The following SNX13 variants were observed in gnomAD, a reference collection of about 807,000 sequenced individuals.
SNX13 encodes the protein sorting nexin-13.
SNX13 carries 45 observed loss-of-function variants against 133.6 expected under a neutral mutation model. That is an observed-to-expected ratio of 0.34 (90% confidence interval 0.27 to 0.43). The LOEUF (loss-of-function observed/expected upper bound fraction) is 0.43, where lower values mean the gene tolerates loss of function less well. Among genes scored for constraint, SNX13 ranks in the 20% least tolerant of loss-of-function variants. SNX13 has a pLI of 1.00. For missense variants in SNX13, 1,032 were observed against 1,145.1 expected (o/e 0.90, Z 1.43); for synonymous variants, 414 against 373.9 (o/e 1.11, Z -1.24).
intron 13 of SNX13, 67 bp downstream of exon 13, chr7:17,839,740 C>T: frequency 1.5e-6 from 2 of 1,319,726 alleles, no homozygotes; most frequent in East Asian, 5.0e-5. Context: ...CTGGCATAAG[C>T]AATGGATTAC....
chr7:17,868,847 G>T (rs772115362), intron 8 of SNX13, among the ~76,000 whole-genome samples: 1 of 151,944 alleles, frequency 6.6e-6, no homozygotes, highest in Admixed American at 6.6e-5. Flanking sequence ...AAACAGAAAA[G>T]AAAAGGGAAG....
Position 17,850,935 on chromosome 7 carries a change from G to A in SNX13, c.867C>T (p.Ala289=). 6.2e-7 allele frequency: 1 copy of A among 1,607,780 alleles called. No homozygotes were observed. The highest frequency in any genetic ancestry group is 8.5e-7 in the Non-Finnish European group (1 of 1,178,256). The part of the protein sequence containing the change: ...MIRDSNCNYE[A]FMNIIKLSDN... The stretch of plus-strand genomic sequence containing the variant: ...CACTCAATTTAATAATGTTCATAAA[G>A]GCCTCATAGTTGCAGTTAGAATCAC... Residue 289 remains alanine (A), a synonymous_variant, in exon 10 of 26, where the codon GCC becomes GCT. Transcript: ENST00000428135.
chr7:17,909,428 T>C (rs1320976440), intron 1 of SNX13, among the ~76,000 whole-genome samples: 1 of 152,136 alleles, frequency 6.6e-6, no homozygotes, highest in Non-Finnish European at 1.5e-5. Flanking sequence ...CTATTCACAG[T>C]AGCAAAAATA....
intron 1 of SNX13, among the ~76,000 whole-genome samples, chr7:17,911,514 C>G (rs911261176): frequency 6.6e-6 from 1 of 151,980 alleles, no homozygotes; most frequent in Non-Finnish European, 1.5e-5. Flanking sequence ...TGGTGTATGT[C>G]TGTAGTCCCA....
chr7:17,858,108 A>C (rs1240344172), intron 9 of SNX13, among the ~76,000 whole-genome samples: 1 of 152,170 alleles, frequency 6.6e-6, no homozygotes, highest in Non-Finnish European at 1.5e-5. Flanking sequence ...CTTTTCCTTT[A>C]AGAACCAGGA....
chr7:17,897,043 C>G (rs1797285325), intron 2 of SNX13, among the ~76,000 whole-genome samples: 1 of 152,106 alleles, frequency 6.6e-6, no homozygotes, highest in East Asian at 1.9e-4. Flanking sequence ...AGGAGAAACA[C>G]CACCAAAAGG....
chr7:17,875,826 A>C, intron 5 of SNX13, 36 bp from the exon 6 acceptor site: 2 of 1,480,782 alleles, frequency 1.4e-6, no homozygotes, highest in South Asian at 2.6e-5. Context: ...GGATTATATA[A>C]ATGCTTTATC....
intron 1 of SNX13, among the ~76,000 whole-genome samples, chr7:17,905,827 A>G (rs1798339924): frequency 6.6e-6 from 1 of 152,160 alleles, no homozygotes; most frequent in Non-Finnish European, 1.5e-5. Context: ...GTTTAAAAAG[A>G]TGGAGTCTCT....
intron 1 of SNX13, among the ~76,000 whole-genome samples, chr7:17,929,526 T>TA (rs962758320): frequency 8.6e-5 from 13 of 151,370 alleles, no homozygotes; most frequent in East Asian, 3.9e-4. Context: ...TACATATTTT[T>TA]AAAAAAAAAG....
chr7:17,802,615 T>C (rs918087494), intron 21 of SNX13, among the ~76,000 whole-genome samples: 9 of 151,966 alleles, frequency 5.9e-5, no homozygotes, highest in African/African-American at 2.2e-4. Flanking sequence ...TCCTCACAAA[T>C]AGAAATAAAA....
At chr7:17,927,665 C>T (rs1051755442) in intron 1 of SNX13, among the ~76,000 whole-genome samples, 2 of 152,148 alleles carry the variant, frequency 1.3e-5, no homozygotes, top group Non-Finnish European at 2.9e-5. Flanking sequence ...ATTATTTTGA[C>T]ATAATACAAC....
intron 7 of SNX13, 42 bp downstream of exon 7, chr7:17,875,438 T>C (rs752692144): frequency 6.5e-7 from 1 of 1,546,232 alleles, no homozygotes; most frequent in Middle Eastern, 1.7e-4. Context: ...AACTTGACTC[T>C]AGCCAGCTAC....
chr7:17,934,614 A>T (rs1172689697), intron 1 of SNX13, among the ~76,000 whole-genome samples: 1 of 152,198 alleles, frequency 6.6e-6, no homozygotes, highest in African/African-American at 2.4e-5. Context: ...TCCACTCCAC[A>T]ACTTGGGAGA....
chr7:17,904,064 C>G (rs1359931931), intron 1 of SNX13, among the ~76,000 whole-genome samples: 1 of 152,124 alleles, frequency 6.6e-6, no homozygotes, highest in African/African-American at 2.4e-5. Flanking sequence ...TGCAAAAAAT[C>G]ACATATGCAT....
intron 20 of SNX13, among the ~76,000 whole-genome samples, chr7:17,806,624 T>A (rs766669479): frequency 2.0e-5 from 3 of 151,710 alleles, no homozygotes; most frequent in African/African-American, 4.8e-5. Flanking sequence ...GAAAGATAGG[T>A]AGACGCCATT....
intron 1 of SNX13, among the ~76,000 whole-genome samples, chr7:17,925,175 C>G (rs971221659): frequency 6.6e-6 from 1 of 152,150 alleles, no homozygotes; most frequent in Non-Finnish European, 1.5e-5. Flanking sequence ...TATCATGCCA[C>G]TGCACTACAG....
intron 1 of SNX13, among the ~76,000 whole-genome samples, chr7:17,908,506 G>A (rs1361414216): frequency 6.6e-6 from 1 of 152,078 alleles, no homozygotes; most frequent in African/African-American, 2.4e-5. Flanking sequence ...CTCCCATGAA[G>A]CAAACCTTCC....
intron 1 of SNX13, among the ~76,000 whole-genome samples, chr7:17,939,094 T>C (rs1007994294): frequency 6.6e-6 from 1 of 152,172 alleles, no homozygotes; most frequent in African/African-American, 2.4e-5. Flanking sequence ...TTAGATTAAG[T>C]ACAAACAGCA....
At chr7:17,818,393 C>G (rs1302389426) in intron 18 of SNX13, among the ~76,000 whole-genome samples, 1 of 152,010 alleles carries the variant, frequency 6.6e-6, no homozygotes, top group Non-Finnish European at 1.5e-5. Context: ...TTTCTTAAAG[C>G]CTGAATTACC....
Sources: gnomAD v4.1 joint callset for allele counts (sites outside exome capture counted in the v4.1 genomes callset) on GRCh38, gnomAD v4.1.1 for gene constraint, MANE v1.5 for transcripts, NCBI Gene and HGNC (gene_info 2026-07-23, HGNC 2026-07-21) for gene names.